The following RBFOX1 variants were observed in gnomAD, a reference collection of about 807,000 sequenced individuals.
RBFOX1 encodes RNA binding protein fox-1 homolog 1.
A neutral mutation model predicts 57.7 loss-of-function variants in RBFOX1; 8 were observed. The observed-to-expected ratio is 0.14, with a 90% CI of 0.08 to 0.25. RBFOX1 has a LOEUF of 0.25. RBFOX1 is among the 10% of genes least tolerant of loss of function. RBFOX1 has a pLI of 1.00. For missense variants in RBFOX1, 611 were observed against 548.5 expected, an observed-to-expected ratio of 1.11 and a Z score of -1.14; for synonymous variants, 326 against 222.4, an observed-to-expected ratio of 1.47 and a Z score of -4.15.
chr16:5,603,611 C>A (rs17138197), downstream of RBFOX1, among the ~76,000 whole-genome samples: 1 of 152,114 alleles, frequency 6.6e-6, no homozygotes, highest in African/African-American at 2.4e-5. Flanking sequence ...TTCTGCCCCT[C>A]GATACATCAA....
chr16:6,531,384 C>G (rs1268803530), intron 2 of RBFOX1, among the ~76,000 whole-genome samples: 1 of 152,138 alleles, frequency 6.6e-6, no homozygotes, highest in Non-Finnish European at 1.5e-5. Context: ...CCAGAGCTCT[C>G]AGACATAGGA....
At chr16:6,481,183 C>T (rs2095366010) in intron 2 of RBFOX1, among the ~76,000 whole-genome samples, 1 of 152,180 alleles carries the variant, frequency 6.6e-6, no homozygotes, top group South Asian at 2.1e-4. Context: ...TGGGAGGTTG[C>T]ATCCCTTCCT....
intron 2 of RBFOX1, among the ~76,000 whole-genome samples, chr16:6,506,115 G>A (rs997137761): frequency 3.3e-5 from 5 of 152,194 alleles, no homozygotes; most frequent in Non-Finnish European, 5.9e-5. Context: ...TAAGAAAGTG[G>A]CACTGAGCTG....
chr16:7,527,658 C>G (rs1237524865), intron 5 of RBFOX1, among the ~76,000 whole-genome samples: 2 of 152,162 alleles, frequency 1.3e-5, no homozygotes, highest in Non-Finnish European at 2.9e-5. Context: ...TACATAACTT[C>G]TCTGAGCCTG....
chr16:5,916,658 C>G (rs945749916), intron 4 of RBFOX1, among the ~76,000 whole-genome samples: 5 of 152,060 alleles, frequency 3.3e-5, no homozygotes, highest in African/African-American at 7.2e-5. Flanking sequence ...AGACATAATT[C>G]TCATTTTTCC....
intron 3 of RBFOX1, among the ~76,000 whole-genome samples, chr16:5,834,777 G>A (rs766354626): frequency 1.4e-3 from 27 of 19,824 alleles, no homozygotes; most frequent in Non-Finnish European, 1.1e-3. Context: ...ATGCACAGAT[G>A]ATAGATAGAT....
intron 1 of RBFOX1, among the ~76,000 whole-genome samples, chr16:6,133,765 C>T (rs1300755356): frequency 6.6e-6 from 1 of 152,092 alleles, no homozygotes; most frequent in Non-Finnish European, 1.5e-5. Flanking sequence ...GAAACACACC[C>T]TGGTCTATCC....
chr16:6,658,815 G>T (rs561702538), intron 3 of RBFOX1, among the ~76,000 whole-genome samples: 2 of 152,178 alleles, frequency 1.3e-5, no homozygotes, highest in South Asian at 4.2e-4. Context: ...ATGGTTCCTG[G>T]CCATTGCTTA....
chr16:7,100,987 C>G (rs1382479), intron 4 of RBFOX1, among the ~76,000 whole-genome samples: 1 of 151,880 alleles, frequency 6.6e-6, no homozygotes, highest in Non-Finnish European at 1.5e-5. Context: ...TTTGAGGAAA[C>G]ACTCAGAGAT....
At chr16:7,302,492 T>A (rs1470240131) in intron 4 of RBFOX1, among the ~76,000 whole-genome samples, 1 of 152,178 alleles carries the variant, frequency 6.6e-6, no homozygotes. Context: ...CCCCAAATAT[T>A]CTTTTGTGAG....
chr16:5,451,827 T>C (rs773121650), intron 1 of RBFOX1, among the ~76,000 whole-genome samples: 3 of 152,166 alleles, frequency 2.0e-5, no homozygotes, highest in Non-Finnish European at 4.4e-5. Context: ...AGTTTTACTT[T>C]GCATACTCTC....
At chr16:6,161,800 C>T (rs2096881302) in intron 1 of RBFOX1, among the ~76,000 whole-genome samples, 1 of 152,186 alleles carries the variant, frequency 6.6e-6, no homozygotes, top group Non-Finnish European at 1.5e-5. Context: ...CTTTGTGTTA[C>T]TATTACCAAC....
At chr16:6,613,405 T>A (rs2098096580) in intron 2 of RBFOX1, among the ~76,000 whole-genome samples, 1 of 152,082 alleles carries the variant, frequency 6.6e-6, no homozygotes, top group African/African-American at 2.4e-5. Context: ...AGCGGGGGAA[T>A]GATTTCTGTA....
At chr16:5,526,792 C>T (rs1286441229) in intron 2 of RBFOX1, among the ~76,000 whole-genome samples, 2 of 152,180 alleles carry the variant, frequency 1.3e-5, no homozygotes, top group Admixed American at 6.5e-5. Context: ...CACTAGTGTC[C>T]ATAACGTGTT....
chr16:7,576,300 C>T (rs2093335699), intron 5 of RBFOX1, among the ~76,000 whole-genome samples: 1 of 152,072 alleles, frequency 6.6e-6, no homozygotes, highest in Non-Finnish European at 1.5e-5. Context: ...CTAAGATTAG[C>T]AAATAACAGG....
intron 2 of RBFOX1, among the ~76,000 whole-genome samples, chr16:6,647,996 C>A (rs551805605): frequency 2.0e-4 from 31 of 152,254 alleles, no homozygotes; most frequent in African/African-American, 7.5e-4. Context: ...TGTGTGCCAC[C>A]ATGCCCAGCT....
intron 4 of RBFOX1, among the ~76,000 whole-genome samples, chr16:7,442,434 C>T (rs1365327464): frequency 2.0e-5 from 3 of 152,114 alleles, no homozygotes; most frequent in Non-Finnish European, 4.4e-5. Flanking sequence ...AACAGACCTG[C>T]ATGCTGTACA....
chr16:7,366,367 G>C (rs2097447580), intron 4 of RBFOX1, among the ~76,000 whole-genome samples: 1 of 152,230 alleles, frequency 6.6e-6, no homozygotes, highest in South Asian at 2.1e-4. Context: ...AGGAAACGAA[G>C]GCTGTGCATG....
chr16:6,976,615 G>T (rs1440240534), intron 3 of RBFOX1, among the ~76,000 whole-genome samples: 1 of 150,940 alleles, frequency 6.6e-6, no homozygotes, highest in Admixed American at 6.7e-5. Flanking sequence ...GTTCCCGAAA[G>T]TAAGAGGAAG....
Sources: gnomAD v4.1 joint callset for allele counts (sites outside exome capture counted in the v4.1 genomes callset) on GRCh38, gnomAD v4.1.1 for gene constraint, MANE v1.5 for transcripts, NCBI Gene and HGNC (gene_info 2026-07-23, HGNC 2026-07-21) for gene names.